Variants in KCNIP2 observed in about 807,000 individuals in gnomAD.
The protein encoded by KCNIP2 is A-type potassium channel modulatory protein KCNIP2.
In KCNIP2, 19 loss-of-function variants were observed where a neutral mutation model predicts 39.0. The observed-to-expected ratio is 0.49, with a 90% CI of 0.34 to 0.71. The LOEUF is 0.71. Ranked by LOEUF, KCNIP2 falls within the 30% of genes least tolerant of loss-of-function variation. The pLI is 0.01. For synonymous variants in KCNIP2, 111 were observed against 131.2 expected, an observed-to-expected ratio of 0.85 and a Z score of 1.05; for missense variants, 261 against 346.0, an observed-to-expected ratio of 0.75 and a Z score of 1.95.
At chr10:101,827,592 G>A in intron 9 of KCNIP2, 97 bp downstream of exon 9, 2 of 1,399,972 alleles carry the variant, frequency 1.4e-6, no homozygotes, top group Admixed American at 1.7e-5. Context: ...TGGGGGTGAG[G>A]TGGGAAGGTG....
At chr10:101,839,889 C>A (rs370331652) in intron 1 of KCNIP2, 3 of 1,528,194 alleles carry the variant, frequency 2.0e-6, no homozygotes, top group South Asian at 1.3e-5. Flanking sequence ...GGCCCCGGGG[C>A]GGTCCGGTCT....
At position 101,829,854 on chromosome 10, in the gene KCNIP2, C is replaced by T; in HGVS notation, c.213G>A (p.Leu71=). 3 of 1,483,360 alleles carry T rather than the reference C, an allele frequency of 2.0e-6. No individual in the cohort carries two copies. The highest frequency in any genetic ancestry group is 2.7e-6 in the Non-Finnish European group (3 of 1,123,358). 91.9% of individuals were successfully genotyped at this position (1,483,360 alleles called of 1,614,324 possible). A position where few individuals can be genotyped will look rare whatever the true frequency, so the allele number is the denominator to read the frequency against. ...PASLRPHRPR[L]LDPDSVDDEF... ...AGGAGCGTAAGTCACCTGGGTCCAG[C>T]AGGCGGGGTCTGTGGGGGCGGAGGG... is the stretch of plus-strand genomic sequence containing the variant. The change falls in exon 3 of 10, where the codon CTG becomes CTA. Residue 71 remains leucine (L), a synonymous_variant. Coordinates refer to ENST00000356640, the MANE Select transcript of KCNIP2 (RefSeq NM_173191.3).
chr10:101,839,952 A>C, intron 1 of KCNIP2: 1 of 984,984 alleles, frequency 1.0e-6, no homozygotes, highest in Non-Finnish European at 1.4e-6. Context: ...CCGGCCCGGC[A>C]GGCATAGGAT....
rs762957930 is a variant in KCNIP2, at chr10:101,828,019, C to T, written c.598-26G>A. 1.7e-5 allele frequency: 27 copies of T among 1,595,586 alleles called. No homozygotes were observed. The highest frequency in any genetic ancestry group is 2.3e-5 in the Non-Finnish European group (27 of 1,163,202). On this transcript the variant is annotated intron_variant, in intron 7 of 9. Transcript: ENST00000356640. This position sits in a 1 kb window ranked among gnomAD's most constrained non-coding sequence, Gnocchi z 6.6. Reference sequence around the variant, plus strand: ...CTGTTAGGCCAAGAGAGAAGAGGATCCTTCCTCAGAGCCTCCAGCCTCCCT... The same window carrying T: ...CTGTTAGGCCAAGAGAGAAGAGGATTCTTCCTCAGAGCCTCCAGCCTCCCT...
chr10:101,835,094 T>C (rs1217522967), intron 1 of KCNIP2, among the ~76,000 whole-genome samples: 1 of 152,168 alleles, frequency 6.6e-6, no homozygotes, highest in South Asian at 2.1e-4. Flanking sequence ...TGTGTTTTAG[T>C]AGGGTTGTAG....
At position 101,838,785 on chromosome 10, in the gene KCNIP2, C is replaced by G. The variant is rs887227025; in HGVS notation, c.73+4711G>C. On this transcript the variant is annotated intron_variant, in intron 1 of 9. Coordinates refer to ENST00000356640, the MANE Select transcript of KCNIP2 (RefSeq NM_173191.3). This position sits in a 1 kb window ranked among gnomAD's most constrained non-coding sequence, Gnocchi z 4.0. Reference sequence around the variant, plus strand: ...ACAGGCCCTATCTATACTCCAGGGGCTCAAGTGGATACCCATGGAGAGAGC... The same window carrying G: ...ACAGGCCCTATCTATACTCCAGGGGGTCAAGTGGATACCCATGGAGAGAGC... Among the ~76,000 whole-genome samples, 1 of 152,230 alleles carries G rather than the reference C, an allele frequency of 6.6e-6. No homozygotes were observed. Among genetic ancestry groups the G allele is most frequent in the African/African-American group, 2.4e-5 (1 of 41,456 alleles).
chr10:101,828,595 C>G lies in KCNIP2; in HGVS notation c.418+32G>C, dbSNP rs777579467. On this transcript the variant is annotated intron_variant, in intron 5 of 9. Transcript: ENST00000356640. The surrounding 1 kb of genome is among the most constrained non-coding windows in gnomAD (Gnocchi z 6.6). Reference sequence around the variant, plus strand: ...CTCCCTCCCTCAGCCTAGAGAAGGACAACTGCTTCCCCTTGGGCCTTGTCC... The same window carrying G: ...CTCCCTCCCTCAGCCTAGAGAAGGAGAACTGCTTCCCCTTGGGCCTTGTCC... 2 of 1,608,574 alleles carry G rather than the reference C, an allele frequency of 1.2e-6. No individual in the cohort carries two copies. Among genetic ancestry groups the G allele is most frequent in the Non-Finnish European group, 8.5e-7 (1 of 1,175,208 alleles).
rs1367183353 is a variant in KCNIP2 at position 101,843,192 on chromosome 10, C to G, written c.73+304G>C. Among the ~76,000 whole-genome samples the G allele has an allele frequency of 6.6e-6, 1 of 152,198 alleles. No individual in the cohort carries two copies. The highest frequency in any genetic ancestry group is 1.9e-4 in the East Asian group (1 of 5,198). Reference sequence around the variant, plus strand: ...GCTGTGGGAGGTGCGCGCGCACACACACACACACACACAGAATGACAGGTG... The same window carrying G: ...GCTGTGGGAGGTGCGCGCGCACACAGACACACACACACAGAATGACAGGTG... On this transcript the variant is annotated intron_variant, in intron 1 of 9. Coordinates refer to ENST00000356640, the MANE Select transcript of KCNIP2 (RefSeq NM_173191.3). This position sits in a 1 kb window ranked among gnomAD's most constrained non-coding sequence, Gnocchi z 6.7.
chr10:101,831,396 G>C (rs1313405628), intron 1 of KCNIP2, among the ~76,000 whole-genome samples: 1 of 152,162 alleles, frequency 6.6e-6, no homozygotes, highest in South Asian at 2.1e-4. Flanking sequence ...CGGTGACAGC[G>C]AGGCGGCAAG....
chr10:101,828,590 A>G lies in KCNIP2; in HGVS notation c.418+37T>C. ...AATCCCTCCCTCCCTCAGCCTAGAGAAGGACAACTGCTTCCCCTTGGGCCT... is the reference window on the plus strand; with the variant it reads ...AATCCCTCCCTCCCTCAGCCTAGAGGAGGACAACTGCTTCCCCTTGGGCCT... On this transcript the variant is annotated intron_variant, in intron 5 of 9. Transcript: ENST00000356640. This position sits in a 1 kb window ranked among gnomAD's most constrained non-coding sequence, Gnocchi z 6.6. 1 of 1,606,998 alleles carries G rather than the reference A, an allele frequency of 6.2e-7. No individual in the cohort carries two copies. Among genetic ancestry groups the G allele is most frequent in the South Asian group, 1.1e-5 (1 of 90,908 alleles).
rs867651901 is a variant in KCNIP2, at chr10:101,828,782, G to A, written c.349-86C>T. 6.2e-7 allele frequency: 1 copy of A among 1,610,164 alleles called. No individual in the cohort carries two copies. On this transcript the variant is annotated intron_variant, in intron 4 of 9. Transcript: ENST00000356640. The surrounding 1 kb of genome is among the most constrained non-coding windows in gnomAD (Gnocchi z 6.6). ...CACCCTCCATGGCCCAAGACTCCCA[G>A]GGAGGGGGATAATCTTCAAGCCTCC...
intron 3 of KCNIP2, 181 bp from the exon 4 acceptor site, chr10:101,829,380 T>C (rs1382092330): frequency 6.7e-6 from 5 of 743,864 alleles, no homozygotes; most frequent in African/African-American, 3.6e-5. Flanking sequence ...ATGGCCATCT[T>C]CGAGGTCTAT....
Position 101,828,760 on chromosome 10 carries a change from C to A in KCNIP2, c.349-64G>T, listed in dbSNP as rs2065841970. 1 of 1,613,218 alleles carries A rather than the reference C, an allele frequency of 6.2e-7. No individual in the cohort carries two copies. The highest frequency in any genetic ancestry group is 1.7e-5 in the Admixed American group (1 of 59,938). Reference sequence around the variant, plus strand: ...ATCCCCTTCCGTTCACCGCCCCCACCCTCCATGGCCCAAGACTCCCAGGGA... The same window carrying A: ...ATCCCCTTCCGTTCACCGCCCCCACACTCCATGGCCCAAGACTCCCAGGGA... On this transcript the variant is annotated intron_variant, in intron 4 of 9. Coordinates refer to ENST00000356640, the MANE Select transcript of KCNIP2 (RefSeq NM_173191.3). The surrounding 1 kb of genome is among the most constrained non-coding windows in gnomAD (Gnocchi z 6.6).
rs1445936588 is a variant in KCNIP2, at chr10:101,826,408, G to A, written c.*945C>T. ...CCCTCTCCCTTCTAAGGCATCCACT[G>A]TGGGGAGTGATAGGCCCCAAGTTCA... On this transcript the variant is annotated 3_prime_UTR_variant, in exon 10 of 10. Coordinates refer to ENST00000356640, the MANE Select transcript of KCNIP2 (RefSeq NM_173191.3). 1.3e-5 allele frequency: 2 copies of A among 152,648 alleles called. No homozygotes were observed. Among genetic ancestry groups the A allele is most frequent in the Non-Finnish European group, 2.9e-5 (2 of 68,108 alleles). 9.5% of individuals were successfully genotyped at this position (152,648 alleles called of 1,614,324 possible). A position where few individuals can be genotyped will look rare whatever the true frequency, so the allele number is the denominator to read the frequency against.
Position 101,843,238 on chromosome 10 carries a change from C to T in KCNIP2, c.73+258G>A, listed in dbSNP as rs2066385022. ...AGGTGCTCACGCACGTAACACCTCCCACTCCAGACACCCTCTCAGCCCTGT... is the reference window on the plus strand; with the variant it reads ...AGGTGCTCACGCACGTAACACCTCCTACTCCAGACACCCTCTCAGCCCTGT... On this transcript the variant is annotated intron_variant, in intron 1 of 9. Coordinates refer to ENST00000356640, the MANE Select transcript of KCNIP2 (RefSeq NM_173191.3). This position sits in a 1 kb window ranked among gnomAD's most constrained non-coding sequence, Gnocchi z 6.7. Among the ~76,000 whole-genome samples the T allele has an allele frequency of 6.6e-6, 1 of 152,228 alleles. No homozygotes were observed. The highest frequency in any genetic ancestry group is 2.1e-4 in the South Asian group (1 of 4,834).
intron 3 of KCNIP2, 149 bp from the exon 4 acceptor site, chr10:101,829,348 A>G (rs1210692959): frequency 9.8e-7 from 1 of 1,021,860 alleles, no homozygotes; most frequent in African/African-American, 1.6e-5. Context: ...AGCCAAGGAC[A>G]CTGAGGTAAG....
chr10:101,840,469 T>G (rs1457805766), intron 1 of KCNIP2, among the ~76,000 whole-genome samples: 1 of 151,074 alleles, frequency 6.6e-6, no homozygotes, highest in South Asian at 2.1e-4. Context: ...TTTCTATTTG[T>G]GTTTGTCTCG....
At position 101,828,527 on chromosome 10, in the gene KCNIP2, C is replaced by T; in HGVS notation, c.419-68G>A. Reference sequence around the variant, plus strand: ...GACTTCCTCCCTCTAAGGAGCTCCCCATACCCCCCATCACCTTGGCATTCC... The same window carrying T: ...GACTTCCTCCCTCTAAGGAGCTCCCTATACCCCCCATCACCTTGGCATTCC... On this transcript the variant is annotated intron_variant, in intron 5 of 9. Transcript: ENST00000356640. The surrounding 1 kb of genome is among the most constrained non-coding windows in gnomAD (Gnocchi z 6.6). The T allele has an allele frequency of 1.3e-6, 2 of 1,598,570 alleles. No homozygotes were observed. The highest frequency in any genetic ancestry group is 2.2e-5 in the South Asian group (2 of 90,296).
At chr10:101,839,882 C>T (rs769198633) in intron 1 of KCNIP2, 2 of 1,542,418 alleles carry the variant, frequency 1.3e-6, no homozygotes, top group Admixed American at 4.0e-5. Context: ...ACCCCCAGGC[C>T]CCGGGGCGGT....
Sources: allele counts gnomAD v4.1 joint callset (sites outside exome capture counted in the v4.1 genomes callset), GRCh38; gene constraint gnomAD v4.1.1; non-coding constraint Gnocchi (gnomAD v3.1); transcripts MANE v1.5; gene names NCBI Gene and HGNC (gene_info 2026-07-23, HGNC 2026-07-21).